Variants in FNBP1 observed in about 807,000 individuals in gnomAD.
FNBP1 encodes the protein formin-binding protein 1.
A neutral mutation model predicts 90.6 loss-of-function variants in FNBP1; 26 were observed. The ratio of observed to expected loss-of-function variants is 0.29; its 90% CI spans 0.21 to 0.40. The LOEUF (loss-of-function observed/expected upper bound fraction) is 0.40, where lower values mean the gene tolerates loss of function less well. Ranked by LOEUF, FNBP1 falls within the 10% of genes least tolerant of loss-of-function variation. The pLI is 1.00. For missense variants in FNBP1, 635 were observed against 768.0 expected (o/e 0.83, Z 2.05); for synonymous variants, 260 against 265.2 (o/e 0.98, Z 0.19).
intron 15 of FNBP1, 120 bp from the exon 16 acceptor site, chr9:129,896,116 C>T: frequency 1.0e-6 from 1 of 993,902 alleles, no homozygotes; most frequent in South Asian, 1.6e-5. Flanking sequence ...ATTCACCCCA[C>T]TCGGACCTTC....
chr9:130,000,306 C>A lies in FNBP1; in HGVS notation c.25-5348G>T, dbSNP rs555967043. On this transcript the variant is annotated intron_variant, in intron 1 of 16. Coordinates refer to ENST00000446176, the MANE Select transcript of FNBP1 (RefSeq NM_015033.3). ...AGGAGTTGGAGACCAGCCTGGCTAA[C>A]ATGGTGAAACCCCGTCTTTACTAAA... 3.3e-5 allele frequency among the ~76,000 whole-genome samples: 5 copies of A among 152,256 alleles called. No homozygotes were observed. In the East Asian group the frequency reaches 9.6e-4, roughly 29 times the overall value.
rs1030774540 is a variant in FNBP1 at position 129,941,343 on chromosome 9, T to C, written c.514-11648A>G. Among the ~76,000 whole-genome samples the C allele has an allele frequency of 6.6e-5, 10 of 152,188 alleles. No individual in the cohort carries two copies. The East Asian group carries it at 1.7e-3, about 27-fold the overall frequency. On this transcript the variant is annotated intron_variant, in intron 6 of 16. Transcript: ENST00000446176. ...GGTGGAGGCTGCAGTGAGCCAAGAC[T>C]GCGTCATTGCACTCCAGCCTGGGCA...
chr9:129,991,988 T>G (rs2053241055), intron 2 of FNBP1, among the ~76,000 whole-genome samples: 1 of 152,138 alleles, frequency 6.6e-6, no homozygotes. Flanking sequence ...AGTGGAGACT[T>G]TGAGCAAGCT....
chr9:129,955,862 C>CAT (rs1554813888), intron 6 of FNBP1, among the ~76,000 whole-genome samples: 1 of 151,152 alleles, frequency 6.6e-6, no homozygotes, highest in East Asian at 1.9e-4. Context: ...CACACACACA[C>CAT]ATATATGAAT....
intron 4 of FNBP1, among the ~76,000 whole-genome samples, chr9:129,971,660 G>C (rs949000343): frequency 2.0e-5 from 3 of 152,176 alleles, no homozygotes; most frequent in African/African-American, 7.2e-5. Flanking sequence ...CAAAGTGCTG[G>C]GATTACAGGC....
chr9:129,929,935 T>C (rs948388082), intron 6 of FNBP1, among the ~76,000 whole-genome samples: 1 of 152,194 alleles, frequency 6.6e-6, no homozygotes, highest in Non-Finnish European at 1.5e-5. Flanking sequence ...ACCTTCTAGT[T>C]TGACACACCA....
At position 129,978,620 on chromosome 9, in the gene FNBP1, A is replaced by G; in HGVS notation, c.198-8T>C. Reference sequence around the variant, plus strand: ...GCTTTACATGACGTATACCTATGGAACAGAACACACGCCACTCTGTTTCAC... The same window carrying G: ...GCTTTACATGACGTATACCTATGGAGCAGAACACACGCCACTCTGTTTCAC... On this transcript the variant is annotated splice_polypyrimidine_tract_variant and splice_region_variant and intron_variant, in intron 3 of 16. Transcript: ENST00000446176. 6.2e-7 allele frequency: 1 copy of G among 1,612,898 alleles called. No individual in the cohort carries two copies. The highest frequency in any genetic ancestry group is 1.3e-5 in the African/African-American group (1 of 74,994).
At chr9:130,045,601 A>G, upstream of FNBP1, among the ~76,000 whole-genome samples, 1 of 152,246 alleles carries the variant, frequency 6.6e-6, no homozygotes, top group East Asian at 1.9e-4. Flanking sequence ...TGTTAGTTAT[A>G]GGAAGGAACC....
intron 1 of FNBP1, among the ~76,000 whole-genome samples, chr9:130,023,202 G>T (rs564903798): frequency 2.0e-5 from 3 of 150,980 alleles, no homozygotes; most frequent in Non-Finnish European, 4.4e-5. Flanking sequence ...TGCCTCCAGG[G>T]AAGAAAAAAA....
At chr9:129,930,022 A>G (rs1010892382) in intron 6 of FNBP1, among the ~76,000 whole-genome samples, 1 of 147,038 alleles carries the variant, frequency 6.8e-6, no homozygotes. Context: ...TCTCATATAC[A>G]CATTTTTTTT....
chr9:130,050,485 G>T, the FNBP1 span, among the ~76,000 whole-genome samples: 1 of 152,118 alleles, frequency 6.6e-6, no homozygotes, highest in African/African-American at 2.4e-5. Context: ...GACACCCCAA[G>T]AAATGCATGA....
intron 6 of FNBP1, among the ~76,000 whole-genome samples, chr9:129,950,636 A>G (rs76789510): frequency 6.6e-6 from 1 of 152,330 alleles, no homozygotes; most frequent in African/African-American, 2.4e-5. Flanking sequence ...GAAAACTGAC[A>G]TTAATGCAGC....
At chr9:130,028,231 T>C (rs1474105598) in intron 1 of FNBP1, among the ~76,000 whole-genome samples, 1 of 152,250 alleles carries the variant, frequency 6.6e-6, no homozygotes, top group Admixed American at 6.5e-5. Context: ...TGTGGACATC[T>C]TTCCAAAATA....
chr9:130,001,449 GC>G (rs796759028), intron 1 of FNBP1, among the ~76,000 whole-genome samples: 2 of 152,230 alleles, frequency 1.3e-5, no homozygotes, highest in African/African-American at 4.8e-5. Flanking sequence ...TAACGTTGGT[GC>G]AAATGTCAAC....
intron 2 of FNBP1, among the ~76,000 whole-genome samples, chr9:129,980,831 C>T (rs2051107986): frequency 6.6e-6 from 1 of 151,568 alleles, no homozygotes; most frequent in African/African-American, 2.4e-5. Context: ...GCGGGTGGAT[C>T]ACGAGGTCAG....
intron 13 of FNBP1, among the ~76,000 whole-genome samples, chr9:129,901,172 G>A (rs546219807): frequency 9.9e-5 from 15 of 151,978 alleles, no homozygotes; most frequent in Admixed American, 2.6e-4. Context: ...TTGGGAGGCC[G>A]AGGTGGGTGA....
chr9:129,907,332 T>C (rs1356156134), intron 12 of FNBP1, among the ~76,000 whole-genome samples: 2 of 152,196 alleles, frequency 1.3e-5, no homozygotes, highest in Admixed American at 6.5e-5. Flanking sequence ...TTTAACATAT[T>C]GATTCATTTT....
At chr9:129,992,145 G>A (rs2053262726) in intron 2 of FNBP1, among the ~76,000 whole-genome samples, 1 of 152,156 alleles carries the variant, frequency 6.6e-6, no homozygotes. Flanking sequence ...GCAGATGCTG[G>A]GCACAGCAAT....
chr9:129,931,950 C>G (rs1330257397), intron 6 of FNBP1, among the ~76,000 whole-genome samples: 1 of 151,974 alleles, frequency 6.6e-6, no homozygotes, highest in Non-Finnish European at 1.5e-5. Flanking sequence ...CGGTGCCTCA[C>G]GCCTGTAATC....
Sources: allele counts gnomAD v4.1 joint callset (sites outside exome capture counted in the v4.1 genomes callset), GRCh38; gene constraint gnomAD v4.1.1; transcripts MANE v1.5; gene names NCBI Gene and HGNC (gene_info 2026-07-23, HGNC 2026-07-21).